Variants in UBL3 observed in about 807,000 individuals in gnomAD.
The protein encoded by UBL3 is ubiquitin-like protein 3.
In UBL3, 6 loss-of-function variants were observed where a neutral mutation model predicts 18.4. That is an observed-to-expected ratio of 0.33 (90% CI 0.18 to 0.64). The LOEUF is 0.64. Among genes scored for constraint, UBL3 ranks in the 30% least tolerant of loss-of-function variants. UBL3 has a pLI of 0.76. For missense variants in UBL3, 109 were observed against 142.9 expected, an observed-to-expected ratio of 0.76 and a Z score of 1.21; for synonymous variants, 49 against 46.6, an observed-to-expected ratio of 1.05 and a Z score of -0.21.
chr13:29,849,850 C>G lies in UBL3; in HGVS notation c.-312G>C. 1 of 520,742 alleles carries G rather than the reference C, an allele frequency of 1.9e-6. No homozygotes were observed. Among genetic ancestry groups the G allele is most frequent in the East Asian group, 3.5e-5 (1 of 28,826 alleles). 32.3% of individuals were successfully genotyped at this position (520,742 alleles called of 1,614,324 possible). ...ACCGGCCGCGCCAGGTGGACCGAGC[C>G]GAGTGACACACGGACATGGAGAGGG... On this transcript the variant is annotated 5_prime_UTR_variant, in exon 1 of 5. Transcript: ENST00000380680.
intron 3 of UBL3, among the ~76,000 whole-genome samples, chr13:29,769,117 T>G (rs1252185326): frequency 6.6e-6 from 1 of 152,132 alleles, no homozygotes; most frequent in Non-Finnish European, 1.5e-5. Context: ...AGCAAAGTGC[T>G]TTGCACAGAA....
chr13:29,797,754 A>G (rs1409781102), intron 1 of UBL3, among the ~76,000 whole-genome samples: 1 of 152,168 alleles, frequency 6.6e-6, no homozygotes, highest in Non-Finnish European at 1.5e-5. Context: ...ATTAAGGAAA[A>G]TGGCTGTCCC....
intron 1 of UBL3, among the ~76,000 whole-genome samples, chr13:29,805,042 C>T (rs1225378650): frequency 6.6e-6 from 1 of 151,992 alleles, no homozygotes. Flanking sequence ...CTTGAAAGAG[C>T]CAGATTATTA....
chr13:29,786,034 G>A (rs1244773562), intron 1 of UBL3, among the ~76,000 whole-genome samples: 2 of 152,112 alleles, frequency 1.3e-5, no homozygotes, highest in Non-Finnish European at 2.9e-5. Flanking sequence ...TACTGCACTT[G>A]GTTATTCTAC....
intron 2 of UBL3, among the ~76,000 whole-genome samples, chr13:29,774,102 G>A (rs1876917929): frequency 1.3e-5 from 2 of 152,020 alleles, no homozygotes; most frequent in African/African-American, 4.8e-5. Context: ...TTGGCAACCT[G>A]AGGAAATACT....
chr13:29,811,079 C>T (rs917961839), intron 1 of UBL3, among the ~76,000 whole-genome samples: 1 of 151,976 alleles, frequency 6.6e-6, no homozygotes, highest in Non-Finnish European at 1.5e-5. Context: ...CACTTTTTCA[C>T]CACCCAGAAC....
chr13:29,797,835 CA>C (rs1233471149), intron 1 of UBL3, among the ~76,000 whole-genome samples: 1 of 152,010 alleles, frequency 6.6e-6, no homozygotes, highest in Non-Finnish European at 1.5e-5. Flanking sequence ...TGAAATCTGC[CA>C]AACATTTAGG....
chr13:29,810,181 A>T (rs2139339958), intron 1 of UBL3, among the ~76,000 whole-genome samples: 1 of 152,260 alleles, frequency 6.6e-6, no homozygotes, highest in South Asian at 2.1e-4. Flanking sequence ...TGATGATGGT[A>T]TCAATAGGAT....
intron 1 of UBL3, among the ~76,000 whole-genome samples, chr13:29,833,248 G>A (rs981103878): frequency 6.6e-6 from 1 of 150,762 alleles, no homozygotes; most frequent in Middle Eastern, 3.2e-3. Context: ...GCGGACCGCA[G>A]TGGATGACTA....
intron 3 of UBL3, among the ~76,000 whole-genome samples, chr13:29,768,792 C>T (rs1876758226): frequency 6.6e-6 from 1 of 151,998 alleles, no homozygotes; most frequent in Non-Finnish European, 1.5e-5. Context: ...CTTCCTAGGC[C>T]TGACTTAAAT....
intron 1 of UBL3, among the ~76,000 whole-genome samples, chr13:29,782,167 T>C (rs1877193078): frequency 6.6e-6 from 1 of 152,214 alleles, no homozygotes; most frequent in African/African-American, 2.4e-5. Flanking sequence ...CTAGATGTCC[T>C]TGTTCTAGAT....
chr13:29,793,049 A>C (rs1877522655), intron 1 of UBL3, among the ~76,000 whole-genome samples: 1 of 152,248 alleles, frequency 6.6e-6, no homozygotes, highest in South Asian at 2.1e-4. Context: ...ATCTAGCAGC[A>C]TCAAAACACT....
chr13:29,792,524 G>C (rs1877507799), intron 1 of UBL3, among the ~76,000 whole-genome samples: 1 of 152,192 alleles, frequency 6.6e-6, no homozygotes, highest in Non-Finnish European at 1.5e-5. Flanking sequence ...GTCTGTCTAT[G>C]AAGAAAACGA....
At chr13:29,777,608 A>C (rs1048182561) in intron 1 of UBL3, 5 of 245,654 alleles carry the variant, frequency 2.0e-5, no homozygotes, top group South Asian at 9.4e-5. Flanking sequence ...ATTTTTACCC[A>C]AAAATTAATA....
At chr13:29,771,615 A>G (rs1215311935) in intron 3 of UBL3, among the ~76,000 whole-genome samples, 1 of 152,086 alleles carries the variant, frequency 6.6e-6, no homozygotes, top group Non-Finnish European at 1.5e-5. Context: ...GCTAACATAT[A>G]ACTTAAATAG....
Position 29,849,851 on chromosome 13 carries a change from G to A in UBL3, c.-313C>T. ...CCGGCCGCGCCAGGTGGACCGAGCC[G>A]AGTGACACACGGACATGGAGAGGGG... On this transcript the variant is annotated 5_prime_UTR_variant, in exon 1 of 5. Transcript: ENST00000380680. 1 of 523,764 alleles carries A rather than the reference G, an allele frequency of 1.9e-6. No individual in the cohort carries two copies. Among genetic ancestry groups the A allele is most frequent in the South Asian group, 2.1e-5 (1 of 47,710 alleles). 32.4% of individuals were successfully genotyped at this position (523,764 alleles called of 1,614,324 possible).
At chr13:29,824,619 T>C (rs1181372190) in intron 1 of UBL3, among the ~76,000 whole-genome samples, 1 of 152,228 alleles carries the variant, frequency 6.6e-6, no homozygotes, top group African/African-American at 2.4e-5. Flanking sequence ...TTTTATCAGA[T>C]GAGTAGATTG....
chr13:29,835,617 C>T (rs553776227), intron 1 of UBL3, among the ~76,000 whole-genome samples: 20 of 151,368 alleles, frequency 1.3e-4, no homozygotes, highest in South Asian at 4.2e-4. Flanking sequence ...TAGCTGGGTG[C>T]GGTGGTGCGT....
intron 1 of UBL3, among the ~76,000 whole-genome samples, chr13:29,817,385 T>C (rs551593881): frequency 2.0e-5 from 3 of 152,190 alleles, no homozygotes; most frequent in Admixed American, 6.5e-5. Flanking sequence ...ATTTTTTAAA[T>C]GAATTAAGCC....
Sources: gnomAD v4.1 joint callset for allele counts (sites outside exome capture counted in the v4.1 genomes callset) on GRCh38, gnomAD v4.1.1 for gene constraint, MANE v1.5 for transcripts, NCBI Gene and HGNC (gene_info 2026-07-23, HGNC 2026-07-21) for gene names.